NTM: variants seen among roughly 807,000 people sequenced by gnomAD.
The protein encoded by NTM is neurotrimin, also known as IgLON family member 2.
A neutral mutation model predicts 42.1 loss-of-function variants in NTM; 13 were observed. The ratio of observed to expected loss-of-function variants is 0.31; its 90% CI spans 0.20 to 0.49. The LOEUF is 0.49. NTM is among the 20% of genes least tolerant of loss of function. NTM has a pLI of 0.99. For synonymous variants in NTM, 187 were observed against 179.2 expected (o/e 1.04, Z -0.35); for missense variants, 373 against 452.8 (o/e 0.82, Z 1.60).
chr11:132,320,945 A>G (rs1303587619), intron 7 of NTM, among the ~76,000 whole-genome samples: 2 of 151,216 alleles, frequency 1.3e-5, no homozygotes, highest in African/African-American at 2.5e-5. Context: ...GGGTACTCCA[A>G]CAGACCTGCA....
chr11:132,088,537 G>C (rs1298963978), intron 2 of NTM, among the ~76,000 whole-genome samples: 1 of 152,138 alleles, frequency 6.6e-6, no homozygotes, highest in Admixed American at 6.5e-5. Context: ...CCTGCATGCA[G>C]GTTTCCCCCT....
chr11:132,004,936 T>G (rs1266765842), intron 2 of NTM, among the ~76,000 whole-genome samples: 1 of 152,138 alleles, frequency 6.6e-6, no homozygotes, highest in African/African-American at 2.4e-5. Flanking sequence ...ATGGATGATA[T>G]TTGCAAAAAT....
In NTM at chr11:131,626,060, T is replaced by A. The variant is rs1243110554; in HGVS notation, c.82+255172T>A. ...GGCTTTTTTTTGTGAATATATGCCC[T>A]TATTTTTATAAGGGATGAGATAAAT... On this transcript the variant is annotated intron_variant, in intron 1 of 8. Transcript: ENST00000683400. 2.0e-5 allele frequency among the ~76,000 whole-genome samples: 3 copies of A among 152,234 alleles called. No individual in the cohort carries two copies. The East Asian group carries it at 5.8e-4, about 29-fold the overall frequency.
intron 2 of NTM, among the ~76,000 whole-genome samples, chr11:131,978,895 A>G (rs148788893): frequency 1.3e-5 from 2 of 152,298 alleles, no homozygotes; most frequent in East Asian, 3.9e-4. Context: ...CCCTTTTATC[A>G]GAAACACGTA....
intron 1 of NTM, among the ~76,000 whole-genome samples, chr11:131,598,674 T>C (rs1414573934): frequency 1.4e-5 from 2 of 143,516 alleles, no homozygotes; most frequent in Non-Finnish European, 3.1e-5. Flanking sequence ...ACTACTCTCT[T>C]CTCATTTGTT....
chr11:131,653,501 T>C (rs1420318924), intron 1 of NTM, among the ~76,000 whole-genome samples: 2 of 152,252 alleles, frequency 1.3e-5, no homozygotes, highest in African/African-American at 2.4e-5. Flanking sequence ...TGTTTTACTA[T>C]ATGAACAAGC....
At chr11:132,001,333 C>A (rs2069186799) in intron 2 of NTM, among the ~76,000 whole-genome samples, 1 of 152,172 alleles carries the variant, frequency 6.6e-6, no homozygotes, top group South Asian at 2.1e-4. Context: ...AGGGCATAAA[C>A]ATATATAAAG....
chr11:131,941,607 G>T (rs2134219442), intron 2 of NTM, among the ~76,000 whole-genome samples: 1 of 152,220 alleles, frequency 6.6e-6, no homozygotes, highest in South Asian at 2.1e-4. Flanking sequence ...GAACACTGTG[G>T]AACAAAAACA....
At chr11:132,125,125 A>T (rs1009170045) in intron 2 of NTM, among the ~76,000 whole-genome samples, 2 of 152,256 alleles carry the variant, frequency 1.3e-5, no homozygotes, top group African/African-American at 4.8e-5. Flanking sequence ...CAGTCCCAGC[A>T]AACGCAAACG....
chr11:131,666,591 T>C (rs2069096768), intron 1 of NTM, among the ~76,000 whole-genome samples: 1 of 152,190 alleles, frequency 6.6e-6, no homozygotes, highest in African/African-American at 2.4e-5. Flanking sequence ...CATGCATTTC[T>C]GACATCCTGA....
At chr11:132,187,169 C>T (rs1314010797) in intron 3 of NTM, among the ~76,000 whole-genome samples, 1 of 151,790 alleles carries the variant, frequency 6.6e-6, no homozygotes, top group Non-Finnish European at 1.5e-5. Context: ...CAGTGCCTTG[C>T]TTCTCTTTTC....
intron 1 of NTM, among the ~76,000 whole-genome samples, chr11:131,493,410 T>C (rs1447465822): frequency 2.0e-5 from 3 of 152,176 alleles, no homozygotes; most frequent in Non-Finnish European, 4.4e-5. Flanking sequence ...CCCTGCTTTC[T>C]CTGTGTGTTT....
chr11:131,452,401 A>T (rs1408476411), intron 1 of NTM, among the ~76,000 whole-genome samples: 1 of 152,086 alleles, frequency 6.6e-6, no homozygotes, highest in African/African-American at 2.4e-5. Flanking sequence ...GGGAAAAGAC[A>T]TTTCCCGTTT....
intron 1 of NTM, among the ~76,000 whole-genome samples, chr11:131,446,209 T>C (rs1950044278): frequency 6.6e-6 from 1 of 152,230 alleles, no homozygotes; most frequent in African/African-American, 2.4e-5. Context: ...GTTGTGAGGC[T>C]ATGGAAATGT....
At chr11:132,044,222 A>G (rs2077665116) in intron 2 of NTM, among the ~76,000 whole-genome samples, 1 of 151,992 alleles carries the variant, frequency 6.6e-6, no homozygotes, top group African/African-American at 2.4e-5. Flanking sequence ...TGCACTACCT[A>G]CCACAAGGTC....
intron 1 of NTM, among the ~76,000 whole-genome samples, chr11:131,436,250 T>G (rs1016044359): frequency 6.6e-6 from 1 of 152,182 alleles, no homozygotes; most frequent in African/African-American, 2.4e-5. Context: ...AAAATTCTCT[T>G]TTTTTTGTTG....
At chr11:131,680,416 T>C (rs1268802883) in intron 1 of NTM, among the ~76,000 whole-genome samples, 18 of 148,554 alleles carry the variant, frequency 1.2e-4, no homozygotes, top group Non-Finnish European at 2.2e-4. Context: ...TGTAGGCATG[T>C]GTGCCTCTGT....
At chr11:131,697,761 C>T (rs2075627163) in intron 1 of NTM, among the ~76,000 whole-genome samples, 1 of 152,106 alleles carries the variant, frequency 6.6e-6, no homozygotes, top group African/African-American at 2.4e-5. Flanking sequence ...CATAGTCCCT[C>T]TTGCGTTATT....
intron 2 of NTM, among the ~76,000 whole-genome samples, chr11:131,963,192 A>T (rs770451380): frequency 1.3e-5 from 2 of 152,138 alleles, no homozygotes; most frequent in Non-Finnish European, 2.9e-5. Context: ...CAGTGGTATG[A>T]GCTTCAAGTT....
Sources: gnomAD v4.1 joint callset for allele counts (sites outside exome capture counted in the v4.1 genomes callset) on GRCh38, gnomAD v4.1.1 for gene constraint, MANE v1.5 for transcripts, NCBI Gene and HGNC (gene_info 2026-07-23, HGNC 2026-07-21) for gene names.